The following ASPRV1 variants were observed in gnomAD, a reference collection of about 807,000 sequenced individuals.
ASPRV1 encodes the protein aspartic peptidase retroviral like 1, also known as retroviral-like aspartic protease 1.
Under a neutral mutation model 11.0 loss-of-function variants are expected in ASPRV1, and 7 were observed. The ratio of observed to expected loss-of-function variants is 0.64; its 90% CI spans 0.36 to 1.20. The LOEUF is 1.20. Among genes scored for constraint, ASPRV1 ranks in the 50% most tolerant of loss-of-function variants. The pLI is 0.02. For synonymous variants in ASPRV1, 136 were observed against 138.4 expected (o/e 0.98, Z 0.12); for missense variants, 299 against 320.0 (o/e 0.93, Z 0.50).
chr2:69,972,383 A>G, the ASPRV1 span, among the ~76,000 whole-genome samples: 3 of 133,110 alleles, frequency 2.3e-5, no homozygotes, highest in African/African-American at 5.8e-5. Context: ...TTCAAGATGG[A>G]GTCTTGCTCT....
At chr2:70,073,007 G>C in the ASPRV1 span, 1 of 152,038 alleles carries the variant, frequency 6.6e-6, no homozygotes, top group South Asian at 2.1e-4. Context: ...GGGAGGTTGA[G>C]GCTGCAGTGA....
At chr2:69,939,075 A>G in the ASPRV1 span, 6 of 151,202 alleles carry the variant, frequency 4.0e-5, no homozygotes, top group Non-Finnish European at 8.9e-5. Context: ...TCTCTGGAAC[A>G]TTTTTTTTTC....
the ASPRV1 span, among the ~76,000 whole-genome samples, chr2:69,933,908 A>G: frequency 6.6e-6 from 1 of 152,128 alleles, no homozygotes; most frequent in African/African-American, 2.4e-5. Context: ...ACCCCAGGGA[A>G]CTCTGCTCCA....
At chr2:69,985,774 G>T in the ASPRV1 span, among the ~76,000 whole-genome samples, 1 of 152,136 alleles carries the variant, frequency 6.6e-6, no homozygotes, top group Non-Finnish European at 1.5e-5. Context: ...ACTACCTTGG[G>T]TCACAGACTG....
chr2:69,969,305 CA>C, the ASPRV1 span, among the ~76,000 whole-genome samples: 1 of 152,184 alleles, frequency 6.6e-6, no homozygotes, highest in Non-Finnish European at 1.5e-5. Flanking sequence ...GTGTTACCTC[CA>C]TTCACACACA....
At chr2:69,937,436 C>T in the ASPRV1 span, 2 of 1,513,598 alleles carry the variant, frequency 1.3e-6, no homozygotes, top group Non-Finnish European at 1.8e-6. Flanking sequence ...CTTGTGCTCC[C>T]CAACCCCAGA....
the ASPRV1 span, chr2:70,046,390 G>A: frequency 6.6e-6 from 1 of 152,156 alleles, no homozygotes; most frequent in African/African-American, 2.4e-5. Context: ...CCTATGTCTT[G>A]ACTTGTCTCT....
At chr2:69,935,645 C>T in the ASPRV1 span, among the ~76,000 whole-genome samples, 2 of 152,110 alleles carry the variant, frequency 1.3e-5, no homozygotes, top group Non-Finnish European at 2.9e-5. Flanking sequence ...TCCCATGCAC[C>T]AGAGGTTAAA....
chr2:69,959,211 T>C (rs551981026), downstream of ASPRV1, among the ~76,000 whole-genome samples: 16 of 152,282 alleles, frequency 1.1e-4, no homozygotes, highest in South Asian at 3.1e-3. Context: ...TGGTCCTTCA[T>C]GCCTCCATCA....
chr2:70,022,869 A>AT, the ASPRV1 span, among the ~76,000 whole-genome samples: 1 of 152,170 alleles, frequency 6.6e-6, no homozygotes, highest in African/African-American at 2.4e-5. Flanking sequence ...TAAAGCTAAA[A>AT]AAAAAATGAA....
chr2:69,979,441 C>T, the ASPRV1 span, among the ~76,000 whole-genome samples: 10 of 152,134 alleles, frequency 6.6e-5, no homozygotes, highest in East Asian at 1.9e-4. Flanking sequence ...GAAGAGTCTT[C>T]GGAGAAAATG....
chr2:70,054,528 G>C, the ASPRV1 span, among the ~76,000 whole-genome samples: 6 of 138,786 alleles, frequency 4.3e-5, no homozygotes, highest in Non-Finnish European at 9.4e-5. Context: ...AGTGAGCCGA[G>C]ATCGCGCCAC....
the ASPRV1 span, among the ~76,000 whole-genome samples, chr2:69,990,183 T>C: frequency 7.2e-5 from 11 of 152,066 alleles, no homozygotes; most frequent in African/African-American, 2.4e-4. Context: ...TATGTATTTT[T>C]ATTTTATTTT....
the ASPRV1 span, chr2:70,018,148 T>TA: frequency 6.0e-5 from 9 of 149,152 alleles, no homozygotes; most frequent in African/African-American, 1.5e-4. Context: ...AATAAATAAA[T>TA]AAATAAAATA....
chr2:69,992,936 TAGACTGTTGCTTTCTC>T, the ASPRV1 span, among the ~76,000 whole-genome samples: 1 of 152,244 alleles, frequency 6.6e-6, no homozygotes, highest in Non-Finnish European at 1.5e-5. Flanking sequence ...TGCCTTCTAC[TAGACTGTTGCTTTCTC>T]AGACGGTGAG....
chr2:69,944,142 A>G, the ASPRV1 span, among the ~76,000 whole-genome samples: 81 of 152,302 alleles, frequency 5.3e-4, no homozygotes, highest in African/African-American at 1.9e-3. Flanking sequence ...ATTGGTCACA[A>G]CCTCAACAAA....
chr2:69,936,193 G>A, the ASPRV1 span, among the ~76,000 whole-genome samples: 4 of 152,094 alleles, frequency 2.6e-5, no homozygotes, highest in East Asian at 7.7e-4. Flanking sequence ...ATAATCCTTC[G>A]CTGACTTTCC....
the ASPRV1 span, among the ~76,000 whole-genome samples, chr2:70,057,330 T>C: frequency 6.6e-6 from 1 of 152,184 alleles, no homozygotes; most frequent in Non-Finnish European, 1.5e-5. Flanking sequence ...TTTTTACATA[T>C]AAATGCTAAC....
chr2:69,950,209 C>G, the ASPRV1 span, among the ~76,000 whole-genome samples: 1 of 152,206 alleles, frequency 6.6e-6, no homozygotes, highest in Non-Finnish European at 1.5e-5. Context: ...TGGTGAAGAG[C>G]CAGGACATCA....
Sources: allele counts gnomAD v4.1 joint callset (sites outside exome capture counted in the v4.1 genomes callset), GRCh38; gene constraint gnomAD v4.1.1; transcripts MANE v1.5; gene names NCBI Gene and HGNC (gene_info 2026-07-23, HGNC 2026-07-21).